Variants in LTN1 observed in about 807,000 individuals in gnomAD.
LTN1 encodes the protein E3 ubiquitin-protein ligase listerin.
A neutral mutation model predicts 201.2 loss-of-function variants in LTN1; 88 were observed. That is an observed-to-expected ratio of 0.44 (90% CI 0.37 to 0.52). The LOEUF is 0.52. Among genes scored for constraint, LTN1 ranks in the 20% least tolerant of loss-of-function variants. The pLI is 0.00. For synonymous variants in LTN1, 645 were observed against 713.5 expected (o/e 0.90, Z 1.53); for missense variants, 1,752 against 2,038.7 (o/e 0.86, Z 2.71).
At chr21:28,953,855 A>T (rs2084403563) in intron 16 of LTN1, among the ~76,000 whole-genome samples, 1 of 152,182 alleles carries the variant, frequency 6.6e-6, no homozygotes, top group South Asian at 2.1e-4. Context: ...ATAAATAGTT[A>T]TCAATTAGGA....
At chr21:28,958,223 G>C (rs1453841243) in intron 14 of LTN1, among the ~76,000 whole-genome samples, 163 bp downstream of exon 14, 2 of 152,094 alleles carry the variant, frequency 1.3e-5, no homozygotes, top group South Asian at 2.1e-4. Context: ...AACTCCTGGA[G>C]GTCTCAACTG....
At chr21:28,957,156 A>G (rs1327182093) in intron 15 of LTN1, among the ~76,000 whole-genome samples, 176 bp downstream of exon 15, 1 of 152,212 alleles carries the variant, frequency 6.6e-6, no homozygotes, top group Non-Finnish European at 1.5e-5. Flanking sequence ...GCCCACTGCC[A>G]CTGTCAAATG....
At chr21:28,941,479 A>G in intron 24 of LTN1, 73 bp from the exon 25 acceptor site, 3 of 1,220,008 alleles carry the variant, frequency 2.5e-6, no homozygotes, top group Non-Finnish European at 3.5e-6. Flanking sequence ...GTACTTGTAA[A>G]CTTCAAGCAT....
At position 28,980,053 on chromosome 21, in the gene LTN1, G is replaced by A. The variant is rs1007815004; in HGVS notation, c.810+1066C>T. 3.3e-5 allele frequency among the ~76,000 whole-genome samples: 5 copies of A among 152,078 alleles called. No individual in the cohort carries two copies. The East Asian group carries it at 5.8e-4, about 18-fold the overall frequency. On this transcript the variant is annotated intron_variant, in intron 6 of 29. Transcript: ENST00000361371. ...ATGGCAAAAAATCTGAGTCACCCAC[G>A]TGCACATTCCCAGCTGAGGTTGAAC...
rs1344214077 is a variant in LTN1, at chr21:28,992,848, G to A, written c.-43C>T. On this transcript the variant is annotated 5_prime_UTR_variant, in exon 1 of 30. Transcript: ENST00000361371. ...TACTCTGAGCACTCAGACCCCGGTT[G>A]ACACGTCCGGGACACAACTTCCGGC... 1.2e-6 allele frequency: 2 copies of A among 1,613,960 alleles called. No individual in the cohort carries two copies. The highest frequency in any genetic ancestry group is 1.7e-6 in the Non-Finnish European group (2 of 1,180,006).
intron 25 of LTN1, among the ~76,000 whole-genome samples, chr21:28,939,164 C>T (rs2146261682): frequency 6.6e-6 from 1 of 152,226 alleles, no homozygotes; most frequent in African/African-American, 2.4e-5. Flanking sequence ...ATAGCATTTA[C>T]ACTGTATCAG....
chr21:28,946,116 T>A, intron 20 of LTN1, 36 bp downstream of exon 20: 1 of 1,543,610 alleles, frequency 6.5e-7, no homozygotes, highest in Non-Finnish European at 8.8e-7. Flanking sequence ...CTGAATTGTA[T>A]ACTGAAGGAA....
intron 6 of LTN1, among the ~76,000 whole-genome samples, chr21:28,976,283 T>C (rs892586511): frequency 2.0e-5 from 3 of 152,158 alleles, no homozygotes; most frequent in African/African-American, 4.8e-5. Context: ...AGAATTATCA[T>C]AGGATATTTT....
rs1019583924 is a variant in LTN1 at position 28,929,966 on chromosome 21, C to A, written c.*482G>T. The A allele has an allele frequency of 6.6e-6, 1 of 152,190 alleles. No homozygotes were observed. The highest frequency in any genetic ancestry group is 1.5e-5 in the Non-Finnish European group (1 of 68,068). 9.4% of individuals were successfully genotyped at this position (152,190 alleles called of 1,614,324 possible). A position where few individuals can be genotyped will look rare whatever the true frequency, so the allele number is the denominator to read the frequency against. ...TCATTTTTATCATTAAAATAATCTA[C>A]AAATATCAGAATACTAATTTATTGT... On this transcript the variant is annotated 3_prime_UTR_variant, in exon 30 of 30. Coordinates refer to ENST00000361371, the MANE Select transcript of LTN1 (RefSeq NM_015565.3).
chr21:28,970,277 C>T (rs766068929), intron 8 of LTN1, among the ~76,000 whole-genome samples: 2 of 152,136 alleles, frequency 1.3e-5, no homozygotes, highest in Non-Finnish European at 2.9e-5. Flanking sequence ...TTGGTTAGCA[C>T]ATTCTGCTGT....
At chr21:28,992,072 G>A (rs930606673) in intron 1 of LTN1, among the ~76,000 whole-genome samples, 5 of 152,170 alleles carry the variant, frequency 3.3e-5, no homozygotes, top group Admixed American at 3.3e-4. Context: ...TAAATACAAT[G>A]GAGTAAAATA....
Position 28,992,866 on chromosome 21 carries a change from C to T in LTN1, c.-61G>A. The T allele has an allele frequency of 6.2e-7, 1 of 1,613,426 alleles. No individual in the cohort carries two copies. Among genetic ancestry groups the T allele is most frequent in the Middle Eastern group, 1.7e-4 (1 of 6,060 alleles). On this transcript the variant is annotated 5_prime_UTR_variant, in exon 1 of 30. Transcript: ENST00000361371. ...CCCGGTTGACACGTCCGGGACACAA[C>T]TTCCGGCTTCTGGCGGCGGAAGAGG...
At chr21:28,992,552 G>T (rs2084755920) in intron 1 of LTN1, among the ~76,000 whole-genome samples, 1 of 152,120 alleles carries the variant, frequency 6.6e-6, no homozygotes, top group Admixed American at 6.6e-5. Flanking sequence ...GACAGCTCTG[G>T]CATGGTACAT....
chr21:28,960,981 TGAAAATCAGTACAAATCCCACCTACTTTA>T (rs2084474434), intron 11 of LTN1, among the ~76,000 whole-genome samples: 1 of 150,622 alleles, frequency 6.6e-6, no homozygotes, highest in Non-Finnish European at 1.5e-5. Flanking sequence ...ATCCATTCTT[TGAAAATCAGTACAAATCCCACCTACTTTA>T]TGGAGTCTCC....
At chr21:28,932,351 AG>A (rs1169277032) in intron 28 of LTN1, 118 bp downstream of exon 28, 1 of 819,332 alleles carries the variant, frequency 1.2e-6, no homozygotes, top group Non-Finnish European at 2.0e-6. Context: ...TATTTATCCA[AG>A]GAAGTTTAAT....
chr21:28,935,233 T>C lies in LTN1; in HGVS notation c.4751A>G (p.Asn1584Ser), dbSNP rs2084245150. The change falls in exon 27 of 30, where the codon AAT becomes AGT. Residue 1584 changes from asparagine to serine, a missense_variant. Around this residue, in one of 3 missense-constraint regions of LTN1, gnomAD observed 261 missense variants for 350.1 expected, o/e 0.75. Transcript: ENST00000361371. ...DLPAMVRLWWNSSEKRVFNIV... is the reference protein window; with the variant it reads ...DLPAMVRLWWSSSEKRVFNIV... The stretch of plus-strand genomic sequence containing the variant: ...ATTGAAAACACGCTTCTCACTGCTA[T>C]TCCACCACAACCTAACCATGGCAGG... The C allele has an allele frequency of 6.2e-7, 1 of 1,613,810 alleles. No homozygotes were observed.
At position 28,951,799 on chromosome 21, in the gene LTN1, C is replaced by A. The variant is rs76758922; in HGVS notation, c.3344+361G>T. Among the ~76,000 whole-genome samples the A allele has an allele frequency of 3.7e-3, 559 of 152,138 alleles. 5 individuals carry two copies. The highest frequency in any genetic ancestry group is 0.013 in the African/African-American group (530 of 41,486). ...CCAGCCTGGGCAACCTGGCAAGACA[C>A]CATCCCTACAAAATTAAAAAATTAG... On this transcript the variant is annotated intron_variant, in intron 18 of 29. Coordinates refer to ENST00000361371, the MANE Select transcript of LTN1 (RefSeq NM_015565.3).
In LTN1 at chr21:28,941,418, T is replaced by C; in HGVS notation, c.4296-12A>G. 6.3e-7 allele frequency: 1 copy of C among 1,580,460 alleles called. No homozygotes were observed. Among genetic ancestry groups the C allele is most frequent in the Middle Eastern group, 1.7e-4 (1 of 5,986 alleles). On this transcript the variant is annotated splice_polypyrimidine_tract_variant and intron_variant, in intron 24 of 29. Transcript: ENST00000361371. Reference sequence around the variant, plus strand: ...CTGCTGGTGGTGACCTAAGAATCAATGATTAAACACCACAAGTTTTCTTTA... The same window carrying C: ...CTGCTGGTGGTGACCTAAGAATCAACGATTAAACACCACAAGTTTTCTTTA...
At position 28,984,689 on chromosome 21, in the gene LTN1, T is replaced by C; in HGVS notation, c.576+3A>G. On this transcript the variant is annotated splice_donor_region_variant and intron_variant, in intron 4 of 29. Coordinates refer to ENST00000361371, the MANE Select transcript of LTN1 (RefSeq NM_015565.3). Reference sequence around the variant, plus strand: ...ATAGATTCAGAATGATTCCAGAACTTACACTTGTAATTTCATCCTTACAAA... The same window carrying C: ...ATAGATTCAGAATGATTCCAGAACTCACACTTGTAATTTCATCCTTACAAA... The C allele has an allele frequency of 6.2e-7, 1 of 1,607,218 alleles. No homozygotes were observed. The highest frequency in any genetic ancestry group is 8.5e-7 in the Non-Finnish European group (1 of 1,174,404).
Sources: gnomAD v4.1 joint callset for allele counts (sites outside exome capture counted in the v4.1 genomes callset) on GRCh38, gnomAD v4.1.1 for gene constraint, gnomAD v4.1.1 regional missense constraint, MANE v1.5 for transcripts, NCBI Gene and HGNC (gene_info 2026-07-23, HGNC 2026-07-21) for gene names.